FLOT1: variants seen among roughly 807,000 people sequenced by gnomAD.
The protein encoded by FLOT1 is flotillin 1.
A neutral mutation model predicts 58.4 loss-of-function variants in FLOT1; 40 were observed. That is an observed-to-expected ratio of 0.69 (90% CI 0.53 to 0.89). FLOT1 has a LOEUF of 0.89. Ranked by LOEUF, FLOT1 falls within the 40% of genes least tolerant of loss-of-function variation. FLOT1 has a pLI of 0.00. For synonymous variants in FLOT1, 178 were observed against 204.2 expected, an observed-to-expected ratio of 0.87 and a Z score of 1.09; for missense variants, 423 against 540.8, an observed-to-expected ratio of 0.78 and a Z score of 2.16.
At chr6:30,734,783 G>A (rs768993324) in intron 8 of FLOT1, among the ~76,000 whole-genome samples, 1 of 151,718 alleles carries the variant, frequency 6.6e-6, no homozygotes, top group Non-Finnish European at 1.5e-5. Flanking sequence ...GAAATGGCAC[G>A]ATCTCAGCTC....
chr6:30,740,192 C>G lies in FLOT1; in HGVS notation c.689G>C (p.Arg230Pro). 1.2e-6 allele frequency: 2 copies of G among 1,613,020 alleles called. No individual in the cohort carries two copies. Among genetic ancestry groups the G allele is most frequent in the African/African-American group, 1.3e-5 (1 of 75,028 alleles). ...ATAGGCCAGGTCAGCCTGTGCTCGG[C>G]GGGTGTTGACCTCGATGTCATAGGC... is the stretch of plus-strand genomic sequence containing the variant. Reference protein sequence around the residue: ...KAAYDIEVNTRRAQADLAYQL... With the variant: ...KAAYDIEVNTPRAQADLAYQL... Residue 230 changes from arginine (R) to proline (P), a missense_variant, in exon 8 of 13, where the codon CGC becomes CCC. Arg to Pro is a moderately radical substitution (Grantham distance 103). Around this residue, in one of 6 missense-constraint regions of FLOT1, gnomAD observed 137 missense variants for 194.6 expected, o/e 0.70. Coordinates refer to ENST00000376389, the MANE Select transcript of FLOT1 (RefSeq NM_005803.4).
At position 30,730,090 on chromosome 6, in the gene FLOT1, C is replaced by T; in HGVS notation, c.1186G>A (p.Glu396Lys). ...GTMGAAKVTG[E>K]VLDILTRLPE... is the part of the protein sequence containing the mutation. The stretch of plus-strand genomic sequence containing the variant: ...AGGCGAGTTAGAATGTCCAGTACTT[C>T]CCCAGTCACTTTGGCTGCCCCCATG... Residue 396 changes from glutamate (E) to lysine (K), a missense_variant, in exon 12 of 13, where the codon GAA becomes AAA. This residue lies in a region of FLOT1 where 44 missense variants were observed against 40.3 expected (regional missense o/e 1.09). Transcript: ENST00000376389. 7 of 1,613,008 alleles carry T rather than the reference C, an allele frequency of 4.3e-6. No homozygotes were observed. The highest frequency in any genetic ancestry group is 5.9e-6 in the Non-Finnish European group (7 of 1,180,004).
Position 30,740,256 on chromosome 6 carries a change from T to C in FLOT1, c.625A>G (p.Met209Val). Reference sequence around the variant, plus strand: ...TCGTAATCTCTCTGTGCCTTGGCCATCTCGATCTCACTCAGGTACTGAGCA... The same window carrying C: ...TCGTAATCTCTCTGTGCCTTGGCCACCTCGATCTCACTCAGGTACTGAGCA... ...VSAQYLSEIEMAKAQRDYELK... is the reference protein window; with the variant it reads ...VSAQYLSEIEVAKAQRDYELK... The change falls in exon 8 of 13, where the codon ATG (methionine) becomes GTG (valine). Residue 209 changes from methionine to valine, a missense_variant. This residue lies in a region of FLOT1 where 137 missense variants were observed against 194.6 expected (regional missense o/e 0.70). Transcript: ENST00000376389. 1 of 1,612,988 alleles carries C rather than the reference T, an allele frequency of 6.2e-7. No homozygotes were observed. The highest frequency in any genetic ancestry group is 8.5e-7 in the Non-Finnish European group (1 of 1,180,008).
Position 30,737,209 on chromosome 6 carries a change from C to T in FLOT1, c.723+2949G>A, listed in dbSNP as rs2535320. Among the ~76,000 whole-genome samples the T allele has an allele frequency of 4.8e-3, 343 of 71,994 alleles. No homozygotes were observed. The highest frequency in any genetic ancestry group is 0.014 in the Middle Eastern group (2 of 138). The allele number at this position is 71,994 out of a possible 152,430, so 47.2% of individuals were successfully genotyped here. ...ACTGACTGACTGACTGACTGTCTGTCGTCCGTCCGTCCGTCCGTCCGTCCG... is the reference window on the plus strand; with the variant it reads ...ACTGACTGACTGACTGACTGTCTGTTGTCCGTCCGTCCGTCCGTCCGTCCG... On this transcript the variant is annotated intron_variant, in intron 8 of 12. Transcript: ENST00000376389. The surrounding 1 kb of genome is among the most constrained non-coding windows in gnomAD (Gnocchi z 4.4).
At position 30,727,926 on chromosome 6, in the gene FLOT1, A is replaced by G. The variant is rs1251412436; in HGVS notation, c.*190T>C. On this transcript the variant is annotated 3_prime_UTR_variant, in exon 13 of 13. Coordinates refer to ENST00000376389, the MANE Select transcript of FLOT1 (RefSeq NM_005803.4). ...CATGGGACCGCTGGAGTTGGCAATCATAGCAGTGTGAGGTTGGCAAGGGGA... is the reference window on the plus strand; with the variant it reads ...CATGGGACCGCTGGAGTTGGCAATCGTAGCAGTGTGAGGTTGGCAAGGGGA... The G allele has an allele frequency of 3.1e-6, 2 of 644,800 alleles. No homozygotes were observed. The highest frequency in any genetic ancestry group is 3.6e-5 in the African/African-American group (2 of 56,022). The allele number at this position is 644,800 out of a possible 1,614,324, so 39.9% of individuals were successfully genotyped here. A position where few individuals can be genotyped will look rare whatever the true frequency, so the allele number is the denominator to read the frequency against.
Position 30,742,487 on chromosome 6 carries a change from T to G in FLOT1, c.-15+40A>C, listed in dbSNP as rs1006362421. On this transcript the variant is annotated intron_variant, in intron 1 of 12. Coordinates refer to ENST00000376389, the MANE Select transcript of FLOT1 (RefSeq NM_005803.4). This position sits in a 1 kb window ranked among gnomAD's most constrained non-coding sequence, Gnocchi z 5.2. ...CAGACCTTTCCCCTCTCTCCCTGCT[T>G]CTCGGCAGCCCCAGGCTCCATCTCC... 4.3e-6 allele frequency: 2 copies of G among 468,904 alleles called. No individual in the cohort carries two copies. The highest frequency in any genetic ancestry group is 7.6e-6 in the Non-Finnish European group (2 of 262,026). The allele number at this position is 468,904 out of a possible 1,614,324, so 29.0% of individuals were successfully genotyped here. A position where few individuals can be genotyped will look rare whatever the true frequency, so the allele number is the denominator to read the frequency against.
Position 30,741,778 on chromosome 6 carries a change from C to T in FLOT1, c.119+14G>A, listed in dbSNP as rs764577316. 6.2e-7 allele frequency: 1 copy of T among 1,612,804 alleles called. No homozygotes were observed. The highest frequency in any genetic ancestry group is 1.1e-5 in the South Asian group (1 of 91,074). On this transcript the variant is annotated intron_variant, in intron 3 of 12. Transcript: ENST00000376389. The surrounding 1 kb of genome is among the most constrained non-coding windows in gnomAD (Gnocchi z 5.9). Reference sequence around the variant, plus strand: ...AAACGGAGGTCCCCCTTCCCTGGTTCCCTTCTTGCCTACCTCTGGATCTGT... The same window carrying T: ...AAACGGAGGTCCCCCTTCCCTGGTTTCCTTCTTGCCTACCTCTGGATCTGT...
intron 8 of FLOT1, among the ~76,000 whole-genome samples, chr6:30,734,617 C>CT (rs1777436514): frequency 6.6e-6 from 1 of 152,008 alleles, no homozygotes; most frequent in Non-Finnish European, 1.5e-5. Context: ...CTGCTTGACT[C>CT]TTATTAGTCC....
At chr6:30,740,834 G>GTTTTTTTTT (rs34375360) in intron 5 of FLOT1, 36 bp from the exon 6 acceptor site, 41 of 1,314,364 alleles carry the variant, frequency 3.1e-5, no homozygotes, top group Non-Finnish European at 3.4e-5. Context: ...AGGGATGTAA[G>GTTTTTTTTT]TTTTTTTTTT....
At chr6:30,736,475 C>G (rs1393273486) in intron 8 of FLOT1, 8 of 135,278 alleles carry the variant, frequency 5.9e-5, no homozygotes, top group African/African-American at 2.3e-4. Flanking sequence ...GCCTGGGCGA[C>G]AGAGCGAGAC....
intron 8 of FLOT1, among the ~76,000 whole-genome samples, chr6:30,738,336 A>G (rs894671325): frequency 1.3e-5 from 2 of 150,646 alleles, no homozygotes; most frequent in Non-Finnish European, 2.9e-5. Context: ...TAACATAATA[A>G]CAAAAGATGT....
chr6:30,731,229 A>G (rs1777169223), intron 8 of FLOT1, 129 bp from the exon 9 acceptor site: 2 of 891,094 alleles, frequency 2.2e-6, no homozygotes, highest in African/African-American at 1.7e-5. Context: ...TCACGCCTGT[A>G]ATCCTAGCGC....
chr6:30,730,129 T>C lies in FLOT1; in HGVS notation c.1147A>G (p.Ser383Gly). Residue 383 changes from serine (S) to glycine (G), a missense_variant, in exon 12 of 13, where the codon AGC (serine) becomes GGC (glycine). Ser to Gly is a moderately conservative substitution (Grantham distance 56). Transcript: ENST00000376389. ...GCTGCCCCCATGGTCCCACTGCCGCTGGACACCAGTGTGATCTTATTGGCT... is the reference window on the plus strand; with the variant it reads ...GCTGCCCCCATGGTCCCACTGCCGCCGGACACCAGTGTGATCTTATTGGCT... Reference protein sequence around the residue: ...TSANKITLVSSGSGTMGAAKV... With the variant: ...TSANKITLVSGGSGTMGAAKV... 6.2e-7 allele frequency: 1 copy of C among 1,613,042 alleles called. No individual in the cohort carries two copies. Among genetic ancestry groups the C allele is most frequent in the Non-Finnish European group, 8.5e-7 (1 of 1,179,990 alleles).
rs1454720977 is a variant in FLOT1, at chr6:30,740,185, T to C, written c.696A>G (p.Ala232=). The C allele has an allele frequency of 7.4e-6, 12 of 1,612,936 alleles. No individual in the cohort carries two copies. Among genetic ancestry groups the C allele is most frequent in the Admixed American group, 1.7e-5 (1 of 60,000 alleles). ...GAAGCTGATAGGCCAGGTCAGCCTG[T>C]GCTCGGCGGGTGTTGACCTCGATGT... ...AYDIEVNTRR[A]QADLAYQLQV... The change falls in exon 8 of 13, where the codon GCA becomes GCG. Residue 232 remains alanine, a synonymous_variant. Transcript: ENST00000376389.
chr6:30,729,015 T>C (rs1313861658), intron 12 of FLOT1, among the ~76,000 whole-genome samples: 2 of 151,652 alleles, frequency 1.3e-5, no homozygotes, highest in African/African-American at 4.8e-5. Flanking sequence ...CCTGACCTCG[T>C]GATCCGCCCG....
At chr6:30,738,544 G>A (rs770720927) in intron 8 of FLOT1, among the ~76,000 whole-genome samples, 2 of 152,112 alleles carry the variant, frequency 1.3e-5, no homozygotes, top group Non-Finnish European at 2.9e-5. Flanking sequence ...CTAGGTTCCC[G>A]TGAGCCTCTG....
At chr6:30,729,391 C>T (rs1398390822) in intron 12 of FLOT1, among the ~76,000 whole-genome samples, 1 of 152,166 alleles carries the variant, frequency 6.6e-6, no homozygotes, top group African/African-American at 2.4e-5. Context: ...ATTTCTTTAA[C>T]ATACACATAA....
intron 8 of FLOT1, 29 bp from the exon 9 acceptor site, chr6:30,731,129 GCT>G (rs762301516): frequency 6.1e-5 from 96 of 1,568,864 alleles, no homozygotes; most frequent in Admixed American, 8.7e-5. Context: ...TCAGGTTCAC[GCT>G]CTGAGTCAGA....
chr6:30,730,298 G>A (rs1292941225), intron 11 of FLOT1, 112 bp from the exon 12 acceptor site: 9 of 1,496,824 alleles, frequency 6.0e-6, no homozygotes, highest in Non-Finnish European at 8.2e-6. Context: ...TCCTCACTTT[G>A]GTCACTAATA....
Sources: allele counts gnomAD v4.1 joint callset (sites outside exome capture counted in the v4.1 genomes callset), GRCh38; gene constraint gnomAD v4.1.1; regional missense constraint gnomAD v4.1.1; non-coding constraint Gnocchi (gnomAD v3.1); transcripts MANE v1.5; gene names NCBI Gene and HGNC (gene_info 2026-07-23, HGNC 2026-07-21).